SESTD1: variants seen among roughly 807,000 people sequenced by gnomAD.
The protein encoded by SESTD1 is SEC14 domain and spectrin repeat-containing protein 1.
Under a neutral mutation model 101.7 loss-of-function variants are expected in SESTD1, and 43 were observed. That is an observed-to-expected ratio of 0.42 (90% CI 0.33 to 0.55). The LOEUF (loss-of-function observed/expected upper bound fraction) is 0.55. SESTD1 is among the 20% of genes least tolerant of loss of function. The probability of loss-of-function intolerance (pLI) is 0.07; values close to 1 mark genes in which losing one functional copy is unlikely to be tolerated. For synonymous variants in SESTD1, 283 were observed against 286.8 expected, an observed-to-expected ratio of 0.99 and a Z score of 0.13; for missense variants, 647 against 815.1, an observed-to-expected ratio of 0.79 and a Z score of 2.51.
rs1210451258 is a variant in SESTD1, at chr2:179,102,935, A to T, written c.*6964T>A. ...CACCATTTGGGGGACTTCCCTGTCC[A>T]GGTGACTCTCTCTCACATAGCTGTA... is the stretch of plus-strand genomic sequence containing the variant. On this transcript the variant is annotated 3_prime_UTR_variant, in exon 18 of 18. Transcript: ENST00000428443. The T allele has an allele frequency of 6.6e-6, 1 of 152,158 alleles. No homozygotes were observed. Among genetic ancestry groups the T allele is most frequent in the Non-Finnish European group, 1.5e-5 (1 of 68,018 alleles). The allele number at this position is 152,158 out of a possible 1,614,324, so 9.4% of individuals were successfully genotyped here. A position where few individuals can be genotyped will look rare whatever the true frequency, so the allele number is the denominator to read the frequency against.
intron 1 of SESTD1, among the ~76,000 whole-genome samples, chr2:179,200,151 T>C (rs2046482834): frequency 6.6e-6 from 1 of 152,092 alleles, no homozygotes; most frequent in African/African-American, 2.4e-5. Flanking sequence ...AGCCAAATCA[T>C]GAGTGAACTC....
At chr2:179,184,771 G>C (rs1004223793) in intron 2 of SESTD1, among the ~76,000 whole-genome samples, 1 of 152,056 alleles carries the variant, frequency 6.6e-6, no homozygotes, top group Non-Finnish European at 1.5e-5. Context: ...ATTAAGCCAA[G>C]CCCCAAAAAA....
intron 8 of SESTD1, 43 bp from the exon 9 acceptor site, chr2:179,143,846 A>T: frequency 1.3e-6 from 2 of 1,589,422 alleles, no homozygotes; most frequent in Non-Finnish European, 1.7e-6. Context: ...CTGTAAAGAA[A>T]TGTAATTCTC....
chr2:179,189,324 G>T (rs1177877089), intron 2 of SESTD1, among the ~76,000 whole-genome samples: 2 of 152,076 alleles, frequency 1.3e-5, no homozygotes, highest in African/African-American at 4.8e-5. Flanking sequence ...AAAACCATAT[G>T]ATCATCTCAA....
At chr2:179,186,206 G>A (rs2046229907) in intron 2 of SESTD1, among the ~76,000 whole-genome samples, 1 of 151,768 alleles carries the variant, frequency 6.6e-6, no homozygotes, top group Admixed American at 6.6e-5. Flanking sequence ...GCAAGATAAT[G>A]CAGTCCAAAT....
At chr2:179,220,749 T>C (rs2046803435) in intron 1 of SESTD1, among the ~76,000 whole-genome samples, 1 of 152,222 alleles carries the variant, frequency 6.6e-6, no homozygotes, top group South Asian at 2.1e-4. Context: ...TCACCTACTG[T>C]AGGTGTTTCC....
In SESTD1 at chr2:179,174,942, T is replaced by TAAA. The variant is rs71401720; in HGVS notation, c.255+1503_255+1505dup. Among the ~76,000 whole-genome samples the TAAA allele has an allele frequency of 2.3e-5, 3 of 130,844 alleles. No individual in the cohort carries two copies. The East Asian group carries it at 6.6e-4, about 29-fold the overall frequency. 85.8% of individuals were successfully genotyped at this position (130,844 alleles called of 152,430 possible). On this transcript the variant is annotated intron_variant, in intron 4 of 17. Coordinates refer to ENST00000428443, the MANE Select transcript of SESTD1 (RefSeq NM_178123.5). ...TGAGTGACAAAGTGAGTCCCTGATA[T>TAAA]AAAAAAAAAAAAAAAAAGGTGGGAT...
In SESTD1 at chr2:179,107,594, T is replaced by C. The variant is rs931990001; in HGVS notation, c.*2305A>G. 3 of 152,150 alleles carry C rather than the reference T, an allele frequency of 2.0e-5. No homozygotes were observed. Among genetic ancestry groups the C allele is most frequent in the Non-Finnish European group, 4.4e-5 (3 of 67,990 alleles). 9.4% of individuals were successfully genotyped at this position (152,150 alleles called of 1,614,324 possible). On this transcript the variant is annotated 3_prime_UTR_variant, in exon 18 of 18. Coordinates refer to ENST00000428443, the MANE Select transcript of SESTD1 (RefSeq NM_178123.5). ...AACTAAATATCTAAAGTAGTTAGTA[T>C]CTAAGAATCTAAGAATAGATTCACT...
intron 12 of SESTD1, 89 bp downstream of exon 12, chr2:179,123,626 C>G (rs1346183887): frequency 2.6e-6 from 2 of 768,190 alleles, no homozygotes; most frequent in African/African-American, 1.8e-5. Flanking sequence ...CTAATTAGTT[C>G]AGTGTAAGTT....
At position 179,142,130 on chromosome 2, in the gene SESTD1, T is replaced by C. The variant is rs543140714; in HGVS notation, c.849+1462A>G. On this transcript the variant is annotated intron_variant, in intron 9 of 17. Coordinates refer to ENST00000428443, the MANE Select transcript of SESTD1 (RefSeq NM_178123.5). The stretch of plus-strand genomic sequence containing the variant: ...TTTTTGTATAATAAATAAAAGTTTA[T>C]TGGAGAATGGCCACACATATTGGTT... Among the ~76,000 whole-genome samples, 3 of 152,306 alleles carry C rather than the reference T, an allele frequency of 2.0e-5. No individual in the cohort carries two copies. The East Asian group carries it at 5.8e-4, about 29-fold the overall frequency.
intron 1 of SESTD1, among the ~76,000 whole-genome samples, chr2:179,247,658 T>C (rs2105552526): frequency 6.6e-6 from 1 of 152,176 alleles, no homozygotes; most frequent in African/African-American, 2.4e-5. Flanking sequence ...TAGGCAGGTC[T>C]TGAAGTCCTA....
intron 1 of SESTD1, among the ~76,000 whole-genome samples, chr2:179,227,815 G>C (rs1276584666): frequency 6.6e-6 from 1 of 152,090 alleles, no homozygotes; most frequent in Non-Finnish European, 1.5e-5. Flanking sequence ...TCATGATTAA[G>C]GCTAGCACCA....
intron 1 of SESTD1, among the ~76,000 whole-genome samples, chr2:179,260,519 A>T (rs2047467959): frequency 6.6e-6 from 1 of 152,170 alleles, no homozygotes; most frequent in Admixed American, 6.5e-5. Flanking sequence ...CTGTCTCAAA[A>T]GAAAAAAAAA....
intron 1 of SESTD1, among the ~76,000 whole-genome samples, chr2:179,218,423 C>T (rs1325185943): frequency 1.3e-5 from 2 of 152,136 alleles, no homozygotes; most frequent in Non-Finnish European, 2.9e-5. Context: ...AAAGCAGCAC[C>T]TATTTTAAGT....
At chr2:179,113,783 C>T (rs1192732962) in intron 16 of SESTD1, among the ~76,000 whole-genome samples, 1 of 151,310 alleles carries the variant, frequency 6.6e-6, no homozygotes, top group East Asian at 1.9e-4. Context: ...GTTTGTACAA[C>T]AAGCTCCAGG....
chr2:179,244,007 C>T (rs2047193640), intron 1 of SESTD1, among the ~76,000 whole-genome samples: 1 of 150,568 alleles, frequency 6.6e-6, no homozygotes, highest in Non-Finnish European at 1.5e-5. Flanking sequence ...CACTTGTATC[C>T]TAGCTACTTG....
At chr2:179,241,465 A>C (rs915947625) in intron 1 of SESTD1, among the ~76,000 whole-genome samples, 1 of 152,154 alleles carries the variant, frequency 6.6e-6, no homozygotes, top group Non-Finnish European at 1.5e-5. Context: ...CAGAAAATAA[A>C]TGGAATCTTA....
intron 1 of SESTD1, among the ~76,000 whole-genome samples, chr2:179,251,353 T>C (rs150762647): frequency 3.3e-5 from 5 of 152,350 alleles, no homozygotes; most frequent in African/African-American, 4.8e-5. Flanking sequence ...GAAACCTCTT[T>C]TGTACTTTCT....
Position 179,227,702 on chromosome 2 carries a change from A to G in SESTD1, c.-25-35836T>C, listed in dbSNP as rs1307694551. The stretch of plus-strand genomic sequence containing the variant: ...TTAGTACAAAGCTTAGGTAGGAGGC[A>G]CCGAAGTAGCAATTCCCGGTTTTCA... On this transcript the variant is annotated intron_variant, in intron 1 of 17. Transcript: ENST00000428443. Among the ~76,000 whole-genome samples, 5 of 152,268 alleles carry G rather than the reference A, an allele frequency of 3.3e-5. No individual in the cohort carries two copies. The South Asian group carries it at 6.2e-4, about 19-fold the overall frequency.
Sources: allele counts gnomAD v4.1 joint callset (sites outside exome capture counted in the v4.1 genomes callset), GRCh38; gene constraint gnomAD v4.1.1; transcripts MANE v1.5; gene names NCBI Gene and HGNC (gene_info 2026-07-23, HGNC 2026-07-21).